The following SENP6 variants were observed in gnomAD, a reference collection of about 807,000 sequenced individuals.
The protein encoded by SENP6 is sentrin-specific protease 6.
In SENP6, 41 loss-of-function variants were observed where a neutral mutation model predicts 134.5. The ratio of observed to expected loss-of-function variants is 0.30; its 90% CI spans 0.24 to 0.40. The LOEUF is 0.40. Ranked by LOEUF, SENP6 falls within the 10% of genes least tolerant of loss-of-function variation. The probability of loss-of-function intolerance (pLI) is 1.00; values close to 1 mark genes in which losing one functional copy is unlikely to be tolerated. For missense variants in SENP6, 1,248 were observed against 1,312.5 expected (o/e 0.95, Z 0.76); for synonymous variants, 395 against 429.8 (o/e 0.92, Z 1.00).
chr6:75,702,016 A>G (rs1430282869), intron 18 of SENP6, among the ~76,000 whole-genome samples: 1 of 151,926 alleles, frequency 6.6e-6, no homozygotes, highest in Non-Finnish European at 1.5e-5. Context: ...ACGAGTTGCA[A>G]AGTGACATTA....
At chr6:75,704,554 T>G (rs2149901491) in intron 19 of SENP6, among the ~76,000 whole-genome samples, 1 of 152,356 alleles carries the variant, frequency 6.6e-6, no homozygotes, top group East Asian at 1.9e-4. Context: ...GGTTTTATAC[T>G]GAGACATTCA....
At chr6:75,627,945 T>A (rs201658545) in intron 3 of SENP6, among the ~76,000 whole-genome samples, 49 of 152,260 alleles carry the variant, frequency 3.2e-4, no homozygotes, top group African/African-American at 1.1e-3. Flanking sequence ...GTGCTGAGAT[T>A]ACAGGCGTGA....
chr6:75,711,370 A>C lies in SENP6; in HGVS notation c.2863A>C (p.Ser955Arg). The change falls in exon 21 of 24, where the codon AGT becomes CGT. Residue 955 changes from serine to arginine, a missense_variant. By Grantham distance (110) the Ser-to-Arg change is moderately radical (BLOSUM62 -1). Coordinates refer to ENST00000447266, the MANE Select transcript of SENP6 (RefSeq NM_015571.4). Reference sequence around the variant, plus strand: ...TGGATTCCTCGCTGATGACAACTGCAGTTCAGAAATAGGACAGTGGCATTT... The same window carrying C: ...TGGATTCCTCGCTGATGACAACTGCCGTTCAGAAATAGGACAGTGGCATTT... ...DDGFLADDNC[S>R]SEIGQWHLKP... is the part of the protein sequence containing the mutation. The C allele has an allele frequency of 1.2e-6, 2 of 1,613,642 alleles. No homozygotes were observed. The highest frequency in any genetic ancestry group is 8.5e-7 in the Non-Finnish European group (1 of 1,179,670).
chr6:75,607,490 T>C (rs1486879063), intron 1 of SENP6, among the ~76,000 whole-genome samples: 2 of 152,148 alleles, frequency 1.3e-5, no homozygotes, highest in African/African-American at 2.4e-5. Flanking sequence ...GCCTACCTAC[T>C]CTCTTATACA....
At chr6:75,630,409 G>A (rs938985483) in intron 3 of SENP6, among the ~76,000 whole-genome samples, 10 of 152,196 alleles carry the variant, frequency 6.6e-5, no homozygotes, top group Non-Finnish European at 1.3e-4. Context: ...CTACCGGCAA[G>A]AAAAAGCACA....
intron 16 of SENP6, among the ~76,000 whole-genome samples, chr6:75,686,748 G>A (rs1223169407): frequency 1.3e-5 from 2 of 152,178 alleles, no homozygotes; most frequent in East Asian, 3.9e-4. Flanking sequence ...GGCTTGTAGG[G>A]TTTCTGCCGA....
chr6:75,619,187 C>A (rs1404708517), intron 1 of SENP6, among the ~76,000 whole-genome samples: 1 of 152,098 alleles, frequency 6.6e-6, no homozygotes, highest in Non-Finnish European at 1.5e-5. Flanking sequence ...TCTTTTAAAT[C>A]ATCATAAACA....
At chr6:75,650,076 A>G (rs998840255) in intron 7 of SENP6, among the ~76,000 whole-genome samples, 1 of 152,162 alleles carries the variant, frequency 6.6e-6, no homozygotes, top group Non-Finnish European at 1.5e-5. Flanking sequence ...ATGTTCTCTT[A>G]GTTTCCTTAA....
chr6:75,611,554 A>T (rs1336092150), intron 1 of SENP6: 1 of 152,252 alleles, frequency 6.6e-6, no homozygotes, highest in East Asian at 1.9e-4. Flanking sequence ...GTCTCACAGA[A>T]TACTGAATTC....
At chr6:75,712,823 G>C (rs1049835656) in intron 21 of SENP6, among the ~76,000 whole-genome samples, 1 of 151,952 alleles carries the variant, frequency 6.6e-6, no homozygotes, top group African/African-American at 2.4e-5. Flanking sequence ...TGAGATTTTT[G>C]GTTGGGCGCA....
chr6:75,616,971 C>A (rs2149825035), intron 1 of SENP6, among the ~76,000 whole-genome samples: 1 of 152,016 alleles, frequency 6.6e-6, no homozygotes, highest in East Asian at 1.9e-4. Flanking sequence ...TCAATTGATC[C>A]TCCGTCCAAT....
rs1264985078 is a variant in SENP6, at chr6:75,638,626, T to A, written c.459-2058T>A. Among the ~76,000 whole-genome samples, 12 of 54,892 alleles carry A rather than the reference T, an allele frequency of 2.2e-4. No homozygotes were observed. In the South Asian group the frequency reaches 3.8e-3, roughly 17 times the overall value. 36.0% of individuals were successfully genotyped at this position (54,892 alleles called of 152,430 possible). A position where few individuals can be genotyped will look rare whatever the true frequency, so the allele number is the denominator to read the frequency against. ...TATATATATATATATATATATATTTTTTTTTTTTTTTTTTTTTTTTTTTTA... is the reference window on the plus strand; with the variant it reads ...TATATATATATATATATATATATTTATTTTTTTTTTTTTTTTTTTTTTTTA... On this transcript the variant is annotated intron_variant, in intron 5 of 23. Transcript: ENST00000447266.
At chr6:75,635,339 G>A (rs1769429080) in intron 5 of SENP6, among the ~76,000 whole-genome samples, 1 of 152,100 alleles carries the variant, frequency 6.6e-6, no homozygotes, top group Non-Finnish European at 1.5e-5. Context: ...TTTTTGGAAT[G>A]TTACATGACC....
intron 14 of SENP6, chr6:75,678,347 G>A (rs2149879902): frequency 2.6e-6 from 1 of 380,758 alleles, no homozygotes; most frequent in Non-Finnish European, 4.6e-6. Context: ...GTAAGATACT[G>A]GAAAATTACT....
At chr6:75,641,095 C>A (rs1561995947) in intron 6 of SENP6, among the ~76,000 whole-genome samples, 1 of 152,078 alleles carries the variant, frequency 6.6e-6, no homozygotes, top group Non-Finnish European at 1.5e-5. Flanking sequence ...TATTTGTGAA[C>A]CCACCTCCCT....
At chr6:75,644,353 T>G (rs1407327112) in intron 6 of SENP6, among the ~76,000 whole-genome samples, 1 of 152,056 alleles carries the variant, frequency 6.6e-6, no homozygotes, top group Non-Finnish European at 1.5e-5. Context: ...GAGTTCTCTC[T>G]AAATACTGAA....
chr6:75,638,612 ATATATATATATTTTTTTT>A (rs1479397506), intron 5 of SENP6, among the ~76,000 whole-genome samples: 228 of 38,442 alleles, frequency 5.9e-3, no homozygotes, highest in African/African-American at 0.017. Context: ...ATATATATAT[ATATATATATATTTTTTTT>A]TTTTTTTTTT....
intron 19 of SENP6, among the ~76,000 whole-genome samples, chr6:75,705,573 T>C (rs1775335202): frequency 6.6e-6 from 1 of 151,876 alleles, no homozygotes; most frequent in South Asian, 2.1e-4. Flanking sequence ...AATTAATTAA[T>C]TAAAAACTAG....
At chr6:75,705,105 T>G (rs1028424651) in intron 19 of SENP6, among the ~76,000 whole-genome samples, 1 of 152,246 alleles carries the variant, frequency 6.6e-6, no homozygotes, top group South Asian at 2.1e-4. Context: ...ACATTCCAAT[T>G]AAAGCTTGGT....
Sources: allele counts gnomAD v4.1 joint callset (sites outside exome capture counted in the v4.1 genomes callset), GRCh38; gene constraint gnomAD v4.1.1; transcripts MANE v1.5; gene names NCBI Gene and HGNC (gene_info 2026-07-23, HGNC 2026-07-21).